The following SAMD5 variants were observed in gnomAD, a reference collection of about 807,000 sequenced individuals.
SAMD5 encodes the protein sterile alpha motif domain containing 5.
In SAMD5, 13 loss-of-function variants were observed where a neutral mutation model predicts 11.3. The observed-to-expected ratio is 1.15, with a 90% CI of 0.75 to 1.83. The LOEUF (loss-of-function observed/expected upper bound fraction) is 1.83. Among genes scored for constraint, SAMD5 ranks in the 40% most tolerant of loss-of-function variants. The pLI, the probability that SAMD5 is intolerant of heterozygous loss-of-function variation, is 0.00. For missense variants in SAMD5, 255 were observed against 239.1 expected (o/e 1.07, Z -0.44); for synonymous variants, 129 against 111.3 (o/e 1.16, Z -1.00).
chr6:147,645,490 T>C (rs1470750521), intron 1 of SAMD5, among the ~76,000 whole-genome samples: 1 of 152,166 alleles, frequency 6.6e-6, no homozygotes, highest in African/African-American at 2.4e-5. Flanking sequence ...AATTTTTCTA[T>C]ACGTTATGTA....
At chr6:147,850,286 T>G in the SAMD5 span, among the ~76,000 whole-genome samples, 1 of 152,150 alleles carries the variant, frequency 6.6e-6, no homozygotes, top group Non-Finnish European at 1.5e-5. Flanking sequence ...ATATTTAGCC[T>G]AGTTTAAAAA....
At chr6:147,911,527 C>A in the SAMD5 span, among the ~76,000 whole-genome samples, 1 of 152,220 alleles carries the variant, frequency 6.6e-6, no homozygotes, top group South Asian at 2.1e-4. Flanking sequence ...CTCCTGAGAT[C>A]TGTGGGGCAA....
chr6:147,522,195 T>C (rs1234648775), intron 1 of SAMD5, among the ~76,000 whole-genome samples: 1 of 152,182 alleles, frequency 6.6e-6, no homozygotes, highest in Non-Finnish European at 1.5e-5. Context: ...CTTCTAGTGT[T>C]ATTGCATTGG....
the SAMD5 span, among the ~76,000 whole-genome samples, chr6:147,901,818 A>G: frequency 6.6e-6 from 1 of 152,088 alleles, no homozygotes; most frequent in East Asian, 1.9e-4. Context: ...CTTCATACCC[A>G]TGTCTTTGTG....
the SAMD5 span, among the ~76,000 whole-genome samples, chr6:147,853,314 C>T: frequency 1.3e-5 from 2 of 152,086 alleles, no homozygotes; most frequent in South Asian, 2.1e-4. Context: ...GCCCTGTGAA[C>T]GATTAGGGTG....
chr6:147,914,715 GA>G, the SAMD5 span, among the ~76,000 whole-genome samples: 10 of 152,124 alleles, frequency 6.6e-5, no homozygotes, highest in Non-Finnish European at 1.3e-4. Context: ...CTTGCAAGGG[GA>G]AAAACAGTAA....
At chr6:147,748,875 A>G in the SAMD5 span, among the ~76,000 whole-genome samples, 2 of 152,180 alleles carry the variant, frequency 1.3e-5, no homozygotes, top group East Asian at 1.9e-4. Context: ...AACCCTATAT[A>G]TGGGTTGAAC....
chr6:147,564,706 T>A lies in SAMD5; in HGVS notation c.*250T>A. On this transcript the variant is annotated 3_prime_UTR_variant, in exon 2 of 2. Coordinates refer to ENST00000367474, the MANE Select transcript of SAMD5 (RefSeq NM_001030060.3). ...TTGAGTTCATTTTTTTAAGAAGATA[T>A]CATGATGAGATACAGTCTTATGCAT... is the stretch of plus-strand genomic sequence containing the variant. 2 of 1,210,322 alleles carry A rather than the reference T, an allele frequency of 1.7e-6. No individual in the cohort carries two copies. Among genetic ancestry groups the A allele is most frequent in the East Asian group, 4.5e-5 (1 of 22,212 alleles). 75.0% of individuals were successfully genotyped at this position (1,210,322 alleles called of 1,614,324 possible).
At chr6:147,633,987 C>T (rs1461164648) in intron 1 of SAMD5, among the ~76,000 whole-genome samples, 1 of 152,070 alleles carries the variant, frequency 6.6e-6, no homozygotes, top group Non-Finnish European at 1.5e-5. Flanking sequence ...GCTTCATTCC[C>T]ACCCCCAACC....
In SAMD5 at chr6:147,564,643, T is replaced by C. The variant is rs569811443; in HGVS notation, c.*187T>C. The C allele has an allele frequency of 7.2e-7, 1 of 1,382,094 alleles. No homozygotes were observed. Among genetic ancestry groups the C allele is most frequent in the East Asian group, 2.8e-5 (1 of 35,990 alleles). The allele number at this position is 1,382,094 out of a possible 1,614,324, so 85.6% of individuals were successfully genotyped here. On this transcript the variant is annotated 3_prime_UTR_variant, in exon 2 of 2. Coordinates refer to ENST00000367474, the MANE Select transcript of SAMD5 (RefSeq NM_001030060.3). ...AACTGGGTAACTGGCTTATAACAGC[T>C]AGAAATAAGGCAGTGAACTATCACG...
chr6:147,770,998 A>T, the SAMD5 span, among the ~76,000 whole-genome samples: 1 of 152,238 alleles, frequency 6.6e-6, no homozygotes, highest in African/African-American at 2.4e-5. Flanking sequence ...AAAGGGAAGA[A>T]TGTCCTTTCT....
chr6:147,829,412 C>T, the SAMD5 span, among the ~76,000 whole-genome samples: 1 of 152,114 alleles, frequency 6.6e-6, no homozygotes, highest in Non-Finnish European at 1.5e-5. Context: ...TCATGCATGG[C>T]GTAGTCTCAG....
At chr6:147,735,158 G>A (rs1281545313) in intron 1 of SAMD5, among the ~76,000 whole-genome samples, 1 of 152,148 alleles carries the variant, frequency 6.6e-6, no homozygotes, top group Non-Finnish European at 1.5e-5. Context: ...TCAGTTATTT[G>A]CAAGTTGACA....
chr6:147,552,986 T>C (rs1460399308), intron 1 of SAMD5, among the ~76,000 whole-genome samples: 3 of 152,226 alleles, frequency 2.0e-5, no homozygotes, highest in Middle Eastern at 3.2e-3. Flanking sequence ...TGTCTAAGTA[T>C]CTATGCCTCC....
the SAMD5 span, among the ~76,000 whole-genome samples, chr6:147,761,679 GC>G: frequency 3.9e-5 from 6 of 152,086 alleles, no homozygotes; most frequent in Non-Finnish European, 8.8e-5. Context: ...TAAAAAGTAA[GC>G]TTTTGTAGAA....
At chr6:147,745,266 T>C in the SAMD5 span, among the ~76,000 whole-genome samples, 11 of 152,108 alleles carry the variant, frequency 7.2e-5, no homozygotes, top group African/African-American at 2.7e-4. Flanking sequence ...AGCTGGGAGA[T>C]GGGTATGTGA....
the SAMD5 span, among the ~76,000 whole-genome samples, chr6:147,784,251 G>A: frequency 4.6e-5 from 7 of 151,978 alleles, no homozygotes; most frequent in Non-Finnish European, 8.8e-5. Context: ...CCCATAGGAA[G>A]CACAGATGGA....
chr6:147,923,915 G>A, the SAMD5 span, among the ~76,000 whole-genome samples: 7 of 152,302 alleles, frequency 4.6e-5, no homozygotes, highest in South Asian at 1.5e-3. Flanking sequence ...TTCTTTGCTA[G>A]CAGGAACCTG....
At chr6:147,561,156 T>C (rs1485929618) in intron 1 of SAMD5, among the ~76,000 whole-genome samples, 1 of 152,224 alleles carries the variant, frequency 6.6e-6, no homozygotes, top group African/African-American at 2.4e-5. Flanking sequence ...TATAACTTGG[T>C]ATTTATTCCT....
Sources: gnomAD v4.1 joint callset for allele counts (sites outside exome capture counted in the v4.1 genomes callset) on GRCh38, gnomAD v4.1.1 for gene constraint, MANE v1.5 for transcripts, NCBI Gene and HGNC (gene_info 2026-07-23, HGNC 2026-07-21) for gene names.